The following AFF1 variants were observed in gnomAD, a reference collection of about 807,000 sequenced individuals.
AFF1 encodes the protein AF4/FMR2 family member 1.
Under a neutral mutation model 121.7 loss-of-function variants are expected in AFF1, and 48 were observed. That is an observed-to-expected ratio of 0.39 (90% CI 0.31 to 0.50). AFF1 has a LOEUF of 0.50. Ranked by LOEUF, AFF1 falls within the 20% of genes least tolerant of loss-of-function variation. AFF1 has a pLI of 0.76. For missense variants in AFF1, 1,523 were observed against 1,511.7 expected (o/e 1.01, Z -0.12); for synonymous variants, 613 against 563.0 (o/e 1.09, Z -1.26).
At chr4:87,007,283 TCGGGGCGCCGCGC>T in intron 2 of AFF1, 1 of 1,560,234 alleles carries the variant, frequency 6.4e-7, no homozygotes, top group Non-Finnish European at 8.6e-7. Flanking sequence ...TCCCGTAACA[TCGGGGCGCCGCGC>T]CGGGACGCGT....
intron 2 of AFF1, among the ~76,000 whole-genome samples, chr4:87,030,509 T>C (rs1215493356): frequency 6.6e-6 from 1 of 152,166 alleles, no homozygotes; most frequent in East Asian, 1.9e-4. Flanking sequence ...AAAAAAATTC[T>C]CCCCCCTTTG....
At chr4:87,033,982 A>G (rs565839508) in intron 2 of AFF1, among the ~76,000 whole-genome samples, 122 of 152,310 alleles carry the variant, frequency 8.0e-4, no homozygotes, top group African/African-American at 2.8e-3. Flanking sequence ...CTGCAGCCAC[A>G]TGCATTCTTC....
chr4:87,101,558 G>A (rs747248374), intron 8 of AFF1, among the ~76,000 whole-genome samples: 1 of 147,052 alleles, frequency 6.8e-6, no homozygotes, highest in South Asian at 2.2e-4. Flanking sequence ...CAGCATGGGC[G>A]ACAGAGTGAG....
chr4:87,069,072 CTCT>C (rs1257223075), intron 4 of AFF1, among the ~76,000 whole-genome samples: 1 of 152,086 alleles, frequency 6.6e-6, no homozygotes, highest in Non-Finnish European at 1.5e-5. Context: ...CTTCCCCCTT[CTCT>C]TCTTTTCTTT....
At chr4:87,090,179 A>C in intron 6 of AFF1, 109 bp downstream of exon 6, 1 of 869,766 alleles carries the variant, frequency 1.1e-6, no homozygotes, top group South Asian at 1.9e-5. Flanking sequence ...TTTGGAAATG[A>C]GGTTAAAATT....
At chr4:87,049,103 G>A (rs1731016947) in intron 4 of AFF1, among the ~76,000 whole-genome samples, 1 of 146,922 alleles carries the variant, frequency 6.8e-6, no homozygotes, top group African/African-American at 2.5e-5. Context: ...AAAGGGGGGG[G>A]GGGGACAACT....
intron 4 of AFF1, among the ~76,000 whole-genome samples, chr4:87,069,097 G>A (rs774476442): frequency 1.3e-5 from 2 of 152,078 alleles, no homozygotes; most frequent in Non-Finnish European, 2.9e-5. Context: ...GCCCCCCTGT[G>A]TTAGGGGCTA....
At position 87,110,998 on chromosome 4, in the gene AFF1, AT is replaced by A. The variant is rs1263757983; in HGVS notation, c.1533+2696del. ...TGGCACTTTTATCTACTTAAACTTT[AT>A]TTTTTTTTTTTTATTTTTTTTTTTT... On this transcript the variant is annotated intron_variant, in intron 11 of 20. Transcript: ENST00000395146. Among the ~76,000 whole-genome samples, 70 of 81,052 alleles carry A rather than the reference AT, an allele frequency of 8.6e-4. 16 individuals carry two copies. Among genetic ancestry groups the A allele is most frequent in the African/African-American group, 1.6e-3 (29 of 17,776 alleles). The allele number at this position is 81,052 out of a possible 152,430, so 53.2% of individuals were successfully genotyped here.
At chr4:87,069,074 C>G (rs1231718393) in intron 4 of AFF1, among the ~76,000 whole-genome samples, 1 of 152,088 alleles carries the variant, frequency 6.6e-6, no homozygotes, top group Non-Finnish European at 1.5e-5. Context: ...TCCCCCTTCT[C>G]TTCTTTTCTT....
chr4:87,044,493 G>A (rs116819278), intron 2 of AFF1, among the ~76,000 whole-genome samples: 2,137 of 152,270 alleles, frequency 0.014, 22 homozygotes, highest in South Asian at 0.027. Flanking sequence ...CATACTTGGT[G>A]GATTTGAGGA....
chr4:87,027,705 A>G (rs1288415782), intron 2 of AFF1, among the ~76,000 whole-genome samples: 1 of 152,050 alleles, frequency 6.6e-6, no homozygotes, highest in Non-Finnish European at 1.5e-5. Flanking sequence ...TTCTCAGATT[A>G]TAAGTACATA....
chr4:86,963,503 G>T lies in AFF1; in HGVS notation c.38+14932G>T, dbSNP rs951936341. Among the ~76,000 whole-genome samples the T allele has an allele frequency of 2.6e-5, 4 of 152,280 alleles. No individual in the cohort carries two copies. The South Asian group carries it at 8.3e-4, about 32-fold the overall frequency. Reference sequence around the variant, plus strand: ...TTAGCGCTTGCGTTCAGGTTACTATGTGTAGGTTACTATGTGCATCTACTC... The same window carrying T: ...TTAGCGCTTGCGTTCAGGTTACTATTTGTAGGTTACTATGTGCATCTACTC... On this transcript the variant is annotated intron_variant, in intron 2 of 20. Coordinates refer to ENST00000395146, the MANE Select transcript of AFF1 (RefSeq NM_001166693.3).
chr4:87,132,045 T>C (rs985790898), intron 18 of AFF1, among the ~76,000 whole-genome samples, 181 bp downstream of exon 18: 10 of 152,232 alleles, frequency 6.6e-5, no homozygotes, highest in Admixed American at 5.9e-4. Context: ...CTGCCATTTT[T>C]CTGATGGCTT....
At chr4:87,087,506 C>T (rs1723856134) in intron 5 of AFF1, among the ~76,000 whole-genome samples, 1 of 152,204 alleles carries the variant, frequency 6.6e-6, no homozygotes, top group Non-Finnish European at 1.5e-5. Context: ...CCTGGAGGGC[C>T]AGGGCTGACG....
intron 2 of AFF1, among the ~76,000 whole-genome samples, chr4:87,021,254 A>G (rs1237433517): frequency 6.6e-6 from 1 of 152,228 alleles, no homozygotes; most frequent in Non-Finnish European, 1.5e-5. Flanking sequence ...CTAAAGTTTT[A>G]AATGGATTAC....
chr4:87,057,387 A>T (rs954827365), intron 4 of AFF1, among the ~76,000 whole-genome samples: 3 of 152,250 alleles, frequency 2.0e-5, no homozygotes, highest in African/African-American at 7.2e-5. Context: ...CAGGTGGTAC[A>T]GCTTGGGCTT....
intron 10 of AFF1, 68 bp downstream of exon 10, chr4:87,105,913 G>T (rs1054538460): frequency 1.3e-6 from 2 of 1,562,788 alleles, no homozygotes; most frequent in African/African-American, 2.7e-5. Flanking sequence ...GAAAAATAAA[G>T]CCTTATTTAG....
intron 2 of AFF1, among the ~76,000 whole-genome samples, chr4:87,022,580 A>ATATATATATCTATCTATCTATCTATATC (rs1399457511): frequency 2.2e-5 from 2 of 89,354 alleles, no homozygotes; most frequent in African/African-American, 1.1e-4. Context: ...ATATATATAT[A>ATATATATATCTATCTATCTATCTATATC]TATCTATCTA....
chr4:87,031,655 ATAT>A (rs1355752197), intron 2 of AFF1, among the ~76,000 whole-genome samples: 2 of 151,642 alleles, frequency 1.3e-5, no homozygotes, highest in African/African-American at 4.9e-5. Context: ...GACGTAAATA[ATAT>A]TCAAAATACA....
Sources: gnomAD v4.1 joint callset for allele counts (sites outside exome capture counted in the v4.1 genomes callset) on GRCh38, gnomAD v4.1.1 for gene constraint, MANE v1.5 for transcripts, NCBI Gene and HGNC (gene_info 2026-07-23, HGNC 2026-07-21) for gene names.